Variants in AGPS observed in about 807,000 individuals in gnomAD.
The protein encoded by AGPS is alkylglycerone phosphate synthase, also known as alkyldihydroxyacetonephosphate synthase, peroxisomal.
AGPS carries 26 observed loss-of-function variants against 90.7 expected under a neutral mutation model. That is an observed-to-expected ratio of 0.29 (90% confidence interval 0.21 to 0.40). The LOEUF is 0.40. Among genes scored for constraint, AGPS ranks in the 10% least tolerant of loss-of-function variants. The pLI, the probability that AGPS is intolerant of heterozygous loss-of-function variation, is 1.00. For missense variants in AGPS, 540 were observed against 816.1 expected (o/e 0.66, Z 4.12); for synonymous variants, 294 against 285.3 (o/e 1.03, Z -0.31).
At chr2:177,445,029 A>G (rs547764201) in intron 7 of AGPS, among the ~76,000 whole-genome samples, 18 of 152,292 alleles carry the variant, frequency 1.2e-4, no homozygotes, top group Admixed American at 6.5e-4. Flanking sequence ...GCCATCTGCT[A>G]TATTCAAATG....
intron 5 of AGPS, among the ~76,000 whole-genome samples, chr2:177,438,465 A>G (rs907471419): frequency 6.6e-6 from 1 of 152,162 alleles, no homozygotes; most frequent in East Asian, 1.9e-4. Context: ...ATTCTCAAAA[A>G]CTCAGATGTA....
intron 19 of AGPS, among the ~76,000 whole-genome samples, chr2:177,536,700 GTTTT>G (rs543799169): frequency 2.0e-5 from 3 of 151,686 alleles, no homozygotes. Flanking sequence ...TGAATTTAAG[GTTTT>G]TTTTCTGCTG....
intron 2 of AGPS, among the ~76,000 whole-genome samples, chr2:177,429,765 G>A (rs1288858484): frequency 6.6e-6 from 1 of 152,204 alleles, no homozygotes; most frequent in African/African-American, 2.4e-5. Context: ...GGAGACCCCT[G>A]TTGGGAGCTC....
chr2:177,520,464 A>G (rs755512948), intron 17 of AGPS, among the ~76,000 whole-genome samples: 10 of 152,222 alleles, frequency 6.6e-5, no homozygotes, highest in Non-Finnish European at 1.2e-4. Context: ...GAAAGGAACC[A>G]GGTTTCTTGT....
At chr2:177,496,168 G>A (rs967521748) in intron 12 of AGPS, among the ~76,000 whole-genome samples, 11 of 151,970 alleles carry the variant, frequency 7.2e-5, no homozygotes, top group Admixed American at 5.9e-4. Context: ...TATAAATCTC[G>A]ATGAGTTAAG....
chr2:177,436,312 C>T lies in AGPS; in HGVS notation c.442-452C>T, dbSNP rs192521007. Among the ~76,000 whole-genome samples the T allele has an allele frequency of 8.4e-4, 128 of 151,536 alleles. No individual in the cohort carries two copies. The Middle Eastern group carries it at 0.01, about 12-fold the overall frequency. ...GACTACAGGCGCCCGCCACCACGCC[C>T]GGCTAATTTTTGTATTTTTAGTAGA... is the stretch of plus-strand genomic sequence containing the variant. On this transcript the variant is annotated intron_variant, in intron 3 of 19. Coordinates refer to ENST00000264167, the MANE Select transcript of AGPS (RefSeq NM_003659.4).
intron 2 of AGPS, among the ~76,000 whole-genome samples, chr2:177,431,490 C>T (rs1429088874): frequency 6.6e-6 from 1 of 152,074 alleles, no homozygotes; most frequent in African/African-American, 2.4e-5. Flanking sequence ...TTTTCCCCAC[C>T]CTAATAAGCC....
At chr2:177,488,605 T>C (rs1337261988) in intron 11 of AGPS, among the ~76,000 whole-genome samples, 5 of 152,184 alleles carry the variant, frequency 3.3e-5, no homozygotes, top group African/African-American at 7.2e-5. Context: ...TCCTCACTTC[T>C]AGTGAGGATG....
chr2:177,529,988 G>A (rs1332548038), intron 19 of AGPS, among the ~76,000 whole-genome samples: 4 of 152,168 alleles, frequency 2.6e-5, no homozygotes, highest in Admixed American at 2.6e-4. Context: ...CTTACATTTA[G>A]TAAGTGCTTA....
chr2:177,517,384 T>C (rs1689049985), intron 17 of AGPS, among the ~76,000 whole-genome samples: 1 of 152,188 alleles, frequency 6.6e-6, no homozygotes. Flanking sequence ...TAATTATTAA[T>C]GTAAACTTAG....
intron 10 of AGPS, among the ~76,000 whole-genome samples, chr2:177,472,568 T>G (rs541293013): frequency 6.6e-6 from 1 of 152,278 alleles, no homozygotes; most frequent in Admixed American, 6.5e-5. Flanking sequence ...TAGTAATGTT[T>G]TTATTGGCGT....
At chr2:177,522,152 G>T (rs184407518) in intron 18 of AGPS, among the ~76,000 whole-genome samples, 1 of 151,810 alleles carries the variant, frequency 6.6e-6, no homozygotes, top group Admixed American at 6.6e-5. Context: ...GTACAGTTTT[G>T]ACATATGTAT....
chr2:177,410,654 A>G (rs534863790), intron 1 of AGPS, among the ~76,000 whole-genome samples: 2 of 152,234 alleles, frequency 1.3e-5, no homozygotes, highest in Admixed American at 6.5e-5. Flanking sequence ...CCCCTCAGAT[A>G]ATGACAGATC....
intron 11 of AGPS, among the ~76,000 whole-genome samples, chr2:177,489,751 G>C (rs896076064): frequency 3.3e-5 from 5 of 152,158 alleles, no homozygotes; most frequent in Admixed American, 2.6e-4. Flanking sequence ...ATTTATCGTA[G>C]CAGGAAAGAA....
intron 16 of AGPS, among the ~76,000 whole-genome samples, chr2:177,511,480 G>A (rs1322808164): frequency 2.0e-5 from 3 of 151,908 alleles, no homozygotes; most frequent in African/African-American, 7.3e-5. Context: ...ATAGTATGGA[G>A]TGAAGGAAAA....
Position 177,541,409 on chromosome 2 carries a change from C to G in AGPS, c.*3214C>G, listed in dbSNP as rs568705875. On this transcript the variant is annotated 3_prime_UTR_variant, in exon 20 of 20. Transcript: ENST00000264167. ...CCTACACTGAAGTGTGTTCCCTTGG[C>G]TGTTCATATGGGGCTGGGTTTGGTT... 1 of 152,150 alleles carries G rather than the reference C, an allele frequency of 6.6e-6. No individual in the cohort carries two copies. The highest frequency in any genetic ancestry group is 6.6e-5 in the Admixed American group (1 of 15,248). The allele number at this position is 152,150 out of a possible 1,614,324, so 9.4% of individuals were successfully genotyped here. A position where few individuals can be genotyped will look rare whatever the true frequency, so the allele number is the denominator to read the frequency against.
intron 2 of AGPS, among the ~76,000 whole-genome samples, chr2:177,428,276 C>T (rs74758507): frequency 0.026 from 4,013 of 152,282 alleles, 180 homozygotes; most frequent in African/African-American, 0.091. Context: ...ACTCTTCACC[C>T]ACCTTGCAAT....
intron 1 of AGPS, among the ~76,000 whole-genome samples, chr2:177,409,622 G>T (rs565144354): frequency 6.6e-6 from 1 of 152,106 alleles, no homozygotes; most frequent in Non-Finnish European, 1.5e-5. Flanking sequence ...GAGGTTGGCC[G>T]ACGACCGCTC....
intron 2 of AGPS, among the ~76,000 whole-genome samples, chr2:177,433,465 C>T (rs534582390): frequency 1.4e-4 from 21 of 152,214 alleles, no homozygotes; most frequent in Non-Finnish European, 2.5e-4. Context: ...TGTCCATTGG[C>T]GTAGCAACAA....
Sources: allele counts gnomAD v4.1 joint callset (sites outside exome capture counted in the v4.1 genomes callset), GRCh38; gene constraint gnomAD v4.1.1; transcripts MANE v1.5; gene names NCBI Gene and HGNC (gene_info 2026-07-23, HGNC 2026-07-21).